The following INTS7 variants were observed in gnomAD, a reference collection of about 807,000 sequenced individuals.
INTS7 encodes the protein chromosome 1 open reading frame 73.
A neutral mutation model predicts 109.2 loss-of-function variants in INTS7; 46 were observed. The ratio of observed to expected loss-of-function variants is 0.42; its 90% CI spans 0.33 to 0.54. The LOEUF is 0.54. Among genes scored for constraint, INTS7 ranks in the 20% least tolerant of loss-of-function variants. The pLI is 0.07. For synonymous variants in INTS7, 412 were observed against 402.9 expected (o/e 1.02, Z -0.27); for missense variants, 929 against 1,132.4 (o/e 0.82, Z 2.58).
At chr1:211,997,550 A>AAAG (rs1665460267) in intron 7 of INTS7, among the ~76,000 whole-genome samples, 5 of 143,904 alleles carry the variant, frequency 3.5e-5, no homozygotes, top group Non-Finnish European at 6.2e-5. Flanking sequence ...AAAAAAAAAA[A>AAAG]GGGAGAGATG....
In INTS7 at chr1:211,975,264, G is replaced by T; in HGVS notation, c.1717C>A (p.Gln573Lys). 1 of 1,613,708 alleles carries T rather than the reference G, an allele frequency of 6.2e-7. No homozygotes were observed. Among genetic ancestry groups the T allele is most frequent in the African/African-American group, 1.3e-5 (1 of 75,064 alleles). ...NSLKEFSHAEQCLTGLQEENY... is the reference protein window; with the variant it reads ...NSLKEFSHAEKCLTGLQEENY... The stretch of plus-strand genomic sequence containing the variant: ...TCCTCTTGCAACCCAGTGAGACACT[G>T]TTCTGCATGTGAAAACTCCTTCAAA... The change falls in exon 13 of 20, where the codon CAG (glutamine) becomes AAG (lysine). Residue 573 changes from glutamine (Q) to lysine (K), a missense_variant. Physicochemically the swap from Gln to Lys is moderately conservative, Grantham distance 53. Coordinates refer to ENST00000366994, the MANE Select transcript of INTS7 (RefSeq NM_015434.4).
At chr1:211,967,855 G>A (rs1007575523) in intron 15 of INTS7, 23 bp downstream of exon 15, 4 of 1,316,758 alleles carry the variant, frequency 3.0e-6, no homozygotes, top group Non-Finnish European at 4.4e-6. Context: ...AGAACAAGAA[G>A]TACTAGGGCA....
chr1:212,025,425 C>T (rs969469867), intron 1 of INTS7: 1 of 151,736 alleles, frequency 6.6e-6, no homozygotes, highest in Non-Finnish European at 1.5e-5. Flanking sequence ...TGACTGCATA[C>T]ATTTGGTGAA....
At chr1:212,030,347 G>A (rs934739410) in intron 1 of INTS7, among the ~76,000 whole-genome samples, 6 of 150,924 alleles carry the variant, frequency 4.0e-5, no homozygotes, top group Non-Finnish European at 5.9e-5. Context: ...GGAGTGCAAT[G>A]GCATGATCTC....
intron 1 of INTS7, among the ~76,000 whole-genome samples, chr1:212,023,762 ATTTTTGG>A (rs900476327): frequency 2.0e-5 from 3 of 152,036 alleles, no homozygotes; most frequent in African/African-American, 7.2e-5. Context: ...CCACTTGTCC[ATTTTTGG>A]TTTTGTTGCA....
intron 13 of INTS7, among the ~76,000 whole-genome samples, chr1:211,971,489 T>C (rs78029391): frequency 1.1e-3 from 162 of 152,256 alleles, no homozygotes; most frequent in African/African-American, 3.8e-3. Flanking sequence ...TGCAACAAAA[T>C]GGATGAATCT....
In INTS7 at chr1:211,959,009, G is replaced by A. The variant is rs751930120; in HGVS notation, c.2184-6308C>T. On this transcript the variant is annotated intron_variant, in intron 16 of 19. Transcript: ENST00000366994. The surrounding 1 kb of genome is among the most constrained non-coding windows in gnomAD (Gnocchi z 4.2). ...GACCCCTGCATGGGGATATCGCACC[G>A]GGGGAACAGTGACTTGAACTGGCAA... Among the ~76,000 whole-genome samples the A allele has an allele frequency of 2.0e-5, 3 of 152,176 alleles. No homozygotes were observed. Among genetic ancestry groups the A allele is most frequent in the Non-Finnish European group, 2.9e-5 (2 of 68,036 alleles).
intron 17 of INTS7, 160 bp downstream of exon 17, chr1:211,952,409 C>A (rs1421880561): frequency 3.6e-6 from 2 of 557,952 alleles, no homozygotes; most frequent in East Asian, 3.1e-5. Context: ...ATCTCATTTA[C>A]TCCCCACTAC....
At chr1:211,975,067 C>A in intron 13 of INTS7, 99 bp downstream of exon 13, 1 of 754,532 alleles carries the variant, frequency 1.3e-6, no homozygotes. Context: ...TTCATATCAG[C>A]AGGTTTCTCA....
At position 211,968,527 on chromosome 1, in the gene INTS7, G is replaced by A. The variant is rs778955780; in HGVS notation, c.1996C>T (p.Arg666Cys). 9.9e-6 allele frequency: 16 copies of A among 1,612,666 alleles called. No homozygotes were observed. The African/African-American group carries it at 1.2e-4, about 12-fold the overall frequency. ...TLGNDLQRCG[R>C]ISNQMKQSME... The stretch of plus-strand genomic sequence containing the variant: ...TTAAGACATGCCTGATTGGAGATGC[G>A]ACCACACCTCTGGAGGTCATTTCCT... Residue 666 changes from arginine (R) to cysteine (C), a missense_variant, in exon 14 of 20, where the codon CGC becomes TGC. Arg to Cys is a radical substitution (Grantham distance 180). Around this residue, in one of 2 missense-constraint regions of INTS7, gnomAD observed 787 missense variants for 901.1 expected, o/e 0.87. Transcript: ENST00000366994.
At chr1:212,009,382 C>T (rs1456870959) in intron 5 of INTS7, among the ~76,000 whole-genome samples, 1 of 152,138 alleles carries the variant, frequency 6.6e-6, no homozygotes, top group Non-Finnish European at 1.5e-5. Context: ...GAAGGCTCAC[C>T]TGTATAGCTT....
intron 13 of INTS7, among the ~76,000 whole-genome samples, chr1:211,971,496 A>C (rs191240457): frequency 1.1e-3 from 166 of 152,338 alleles, no homozygotes; most frequent in African/African-American, 3.9e-3. Context: ...AAATGGATGA[A>C]TCTTAGGAAC....
chr1:212,023,346 C>T (rs1214010202), intron 1 of INTS7, among the ~76,000 whole-genome samples: 1 of 152,220 alleles, frequency 6.6e-6, no homozygotes, highest in East Asian at 1.9e-4. Context: ...ACTGGCTGAA[C>T]TAATTTATAT....
chr1:211,972,256 A>C (rs1664215734), intron 13 of INTS7, among the ~76,000 whole-genome samples: 1 of 152,156 alleles, frequency 6.6e-6, no homozygotes, highest in Non-Finnish European at 1.5e-5. Flanking sequence ...TTAATAACAA[A>C]AATTAAATGA....
chr1:211,943,029 T>C (rs962884067), intron 19 of INTS7, among the ~76,000 whole-genome samples: 1 of 152,198 alleles, frequency 6.6e-6, no homozygotes, highest in Non-Finnish European at 1.5e-5. Context: ...GTAATAGTAA[T>C]GAACTGACGT....
chr1:212,014,994 C>T (rs558287873), intron 4 of INTS7, among the ~76,000 whole-genome samples: 20 of 151,362 alleles, frequency 1.3e-4, no homozygotes, highest in African/African-American at 4.9e-4. Flanking sequence ...ACCGGCCACC[C>T]CATCTGAGAA....
At chr1:212,015,907 T>C (rs1295795954) in intron 4 of INTS7, among the ~76,000 whole-genome samples, 1 of 151,974 alleles carries the variant, frequency 6.6e-6, no homozygotes, top group Non-Finnish European at 1.5e-5. Context: ...TTTTTTTCTA[T>C]TGCATAAATA....
intron 13 of INTS7, among the ~76,000 whole-genome samples, chr1:211,974,646 G>C (rs1260829498): frequency 6.6e-6 from 1 of 152,106 alleles, no homozygotes; most frequent in Non-Finnish European, 1.5e-5. Flanking sequence ...GAAACATAAG[G>C]ATCTCTTTGC....
In INTS7 at chr1:211,976,734, G is replaced by A; in HGVS notation, c.1471-15C>T. ...GCCAAACTCACCTAACATTGGGCAAGAAGAAAACCAAGAAAATCATTTAAT... is the reference window on the plus strand; with the variant it reads ...GCCAAACTCACCTAACATTGGGCAAAAAGAAAACCAAGAAAATCATTTAAT... On this transcript the variant is annotated splice_polypyrimidine_tract_variant and intron_variant, in intron 11 of 19. Coordinates refer to ENST00000366994, the MANE Select transcript of INTS7 (RefSeq NM_015434.4). 1.2e-6 allele frequency: 2 copies of A among 1,613,214 alleles called. No individual in the cohort carries two copies. The highest frequency in any genetic ancestry group is 1.1e-5 in the South Asian group (1 of 91,010).
Sources: gnomAD v4.1 joint callset for allele counts (sites outside exome capture counted in the v4.1 genomes callset) on GRCh38, gnomAD v4.1.1 for gene constraint, gnomAD v4.1.1 regional missense constraint, Gnocchi (gnomAD v3.1) non-coding constraint, MANE v1.5 for transcripts, NCBI Gene and HGNC (gene_info 2026-07-23, HGNC 2026-07-21) for gene names.